Variants in SEC14L1 observed in about 807,000 individuals in gnomAD.
SEC14L1 encodes SEC14 like lipid binding 1.
Under a neutral mutation model 85.3 loss-of-function variants are expected in SEC14L1, and 48 were observed. The ratio of observed to expected loss-of-function variants is 0.56; its 90% CI spans 0.45 to 0.72. SEC14L1 has a LOEUF of 0.72. Ranked by LOEUF, SEC14L1 falls within the 30% of genes least tolerant of loss-of-function variation. SEC14L1 has a pLI of 0.00. For missense variants in SEC14L1, 682 were observed against 921.4 expected (o/e 0.74, Z 3.36); for synonymous variants, 391 against 355.5 (o/e 1.10, Z -1.12).
Position 77,143,456 on chromosome 17 carries a change from C to T in SEC14L1, c.-30-111C>T, listed in dbSNP as rs970662851. On this transcript the variant is annotated intron_variant, in intron 2 of 16. Coordinates refer to ENST00000436233, the MANE Select transcript of SEC14L1 (RefSeq NM_001143998.2). ...ATTTTTGTGTGCATAGAATTATGAC[C>T]TATTGTGGTCTCTTTCTGTCGTTAG... is the stretch of plus-strand genomic sequence containing the variant. The T allele has an allele frequency of 2.5e-4, 152 of 607,440 alleles. 1 individual carries two copies. Among genetic ancestry groups the T allele is most frequent in the Non-Finnish European group, 8.5e-5 (29 of 340,476 alleles). 37.6% of individuals were successfully genotyped at this position (607,440 alleles called of 1,614,324 possible).
At chr17:77,140,614 G>C (rs1310197559), upstream of SEC14L1, 1 of 152,536 alleles carries the variant, frequency 6.6e-6, no homozygotes, top group East Asian at 1.9e-4. Context: ...CCTGCACGCC[G>C]GCAGCCCCTT....
rs80148217 is a variant in SEC14L1 at position 77,127,717 on chromosome 17, T to C, written c.-135-14929T>C. Among the ~76,000 whole-genome samples the C allele has an allele frequency of 7.7e-3, 1,167 of 152,278 alleles. 21 individuals are homozygous for C. The highest frequency in any genetic ancestry group is 0.027 in the African/African-American group (1,124 of 41,566). ...GTCCCCAAAAGATGTGTCCAAGTCC[T>C]AACCCCTGGTACCTGTGAAGGCGAT... On this transcript the variant is annotated intron_variant, in intron 3 of 19. Coordinates refer to the SEC14L1 transcript ENST00000392476.
At chr17:77,092,008 C>T (rs573593563) in intron 2 of SEC14L1, among the ~76,000 whole-genome samples, 26 of 152,130 alleles carry the variant, frequency 1.7e-4, no homozygotes, top group African/African-American at 5.1e-4. Context: ...GACGGGGTTT[C>T]GCCATTTTGG....
chr17:77,209,020 C>T (rs984313686), intron 13 of SEC14L1, among the ~76,000 whole-genome samples: 1 of 152,180 alleles, frequency 6.6e-6, no homozygotes, highest in Non-Finnish European at 1.5e-5. Flanking sequence ...TTTTCCTTTA[C>T]AGGGCAATAT....
At chr17:77,211,825 C>T (rs1976765374) in intron 14 of SEC14L1, 125 bp from the exon 15 acceptor site, 1 of 1,196,744 alleles carries the variant, frequency 8.4e-7, no homozygotes, top group Admixed American at 1.9e-5. Context: ...CGTCCATACG[C>T]ATTCAGCGTT....
At chr17:77,113,685 G>T (rs1439377209) in intron 3 of SEC14L1, among the ~76,000 whole-genome samples, 1 of 152,182 alleles carries the variant, frequency 6.6e-6, no homozygotes, top group African/African-American at 2.4e-5. Flanking sequence ...AGCAGAGGTT[G>T]CTATGAGCCG....
chr17:77,171,415 T>C (rs1484689909), intron 3 of SEC14L1, among the ~76,000 whole-genome samples: 1 of 152,160 alleles, frequency 6.6e-6, no homozygotes, highest in African/African-American at 2.4e-5. Flanking sequence ...AAATGGAAAA[T>C]GGGTTCCCGT....
intron 3 of SEC14L1, among the ~76,000 whole-genome samples, chr17:77,154,480 A>G (rs1222935502): frequency 6.6e-6 from 1 of 152,164 alleles, no homozygotes; most frequent in East Asian, 1.9e-4. Flanking sequence ...TGTGTATATG[A>G]GAGGATGTGT....
At position 77,206,576 on chromosome 17, in the gene SEC14L1, T is replaced by C; in HGVS notation, c.1342-152T>C. ...AAAGGGGAAAAACAAAATGTGAGTGTCCTAATGCCATGCAAATAGACTTTA... is the reference window on the plus strand; with the variant it reads ...AAAGGGGAAAAACAAAATGTGAGTGCCCTAATGCCATGCAAATAGACTTTA... On this transcript the variant is annotated intron_variant, in intron 12 of 16. Transcript: ENST00000436233. The surrounding 1 kb of genome is among the most constrained non-coding windows in gnomAD (Gnocchi z 4.3). The C allele has an allele frequency of 8.4e-7, 1 of 1,185,204 alleles. No individual in the cohort carries two copies. The allele number at this position is 1,185,204 out of a possible 1,614,324, so 73.4% of individuals were successfully genotyped here.
At chr17:77,212,979 A>T (rs1976841733) in intron 15 of SEC14L1, among the ~76,000 whole-genome samples, 1 of 152,184 alleles carries the variant, frequency 6.6e-6, no homozygotes, top group African/African-American at 2.4e-5. Flanking sequence ...AGGTCCAGGG[A>T]AGCTGTGCTG....
intron 3 of SEC14L1, among the ~76,000 whole-genome samples, chr17:77,168,705 C>CT (rs1454377900): frequency 1.3e-5 from 2 of 152,082 alleles, no homozygotes; most frequent in Non-Finnish European, 2.9e-5. Context: ...CAGACTTTGC[C>CT]TTTTTTTGCT....
intron 3 of SEC14L1, among the ~76,000 whole-genome samples, chr17:77,148,157 A>G (rs1194207459): frequency 6.6e-6 from 1 of 152,174 alleles, no homozygotes; most frequent in African/African-American, 2.4e-5. Flanking sequence ...TGGTTCCTTA[A>G]TAAAGGCTTC....
At chr17:77,198,372 CT>C (rs139843564) in intron 8 of SEC14L1, among the ~76,000 whole-genome samples, 2,237 of 152,300 alleles carry the variant, frequency 0.015, 24 homozygotes, top group South Asian at 0.042. Flanking sequence ...CATTTACGAT[CT>C]TTGTGAAAGT....
intron 3 of SEC14L1, among the ~76,000 whole-genome samples, chr17:77,178,657 C>T (rs1190016882): frequency 6.6e-6 from 1 of 152,206 alleles, no homozygotes; most frequent in African/African-American, 2.4e-5. Flanking sequence ...ATTGGATTCT[C>T]TTACGGAGCA....
intron 3 of SEC14L1, among the ~76,000 whole-genome samples, chr17:77,184,678 C>T (rs916207568): frequency 2.0e-5 from 3 of 152,134 alleles, no homozygotes; most frequent in South Asian, 2.1e-4. Context: ...TGTAATCAAC[C>T]GCACGGATTC....
intron 9 of SEC14L1, 71 bp from the exon 10 acceptor site, chr17:77,203,498 AG>A: frequency 7.7e-7 from 1 of 1,291,028 alleles, no homozygotes; most frequent in Non-Finnish European, 1.1e-6. Context: ...ATTCCTGTTA[AG>A]GGTCTTAGAG....
At chr17:77,173,905 C>CTTT (rs531473521) in intron 3 of SEC14L1, among the ~76,000 whole-genome samples, 1 of 141,914 alleles carries the variant, frequency 7.0e-6, no homozygotes, top group African/African-American at 2.6e-5. Flanking sequence ...TTCTTTTTTT[C>CTTT]TTTTTTTTTT....
At position 77,193,545 on chromosome 17, in the gene SEC14L1, A is replaced by AT. The variant is rs1304829401; in HGVS notation, c.470_471insT (p.Lys157AsnfsTer64). The AT allele has an allele frequency of 1.2e-6, 2 of 1,608,570 alleles. No homozygotes were observed. Among genetic ancestry groups the AT allele is most frequent in the Non-Finnish European group, 1.7e-6 (2 of 1,176,204 alleles). On this transcript the variant is annotated frameshift_variant, in exon 6 of 17. Transcript: ENST00000436233. LOFTEE classifies it high-confidence loss of function. ...ATGAAACAATATACCAGCAACATTA[A>AT]AAAAGTGAGTGTATCTTGGGATTTT...
intron 3 of SEC14L1, among the ~76,000 whole-genome samples, chr17:77,181,331 G>A (rs1292241091): frequency 2.0e-5 from 3 of 152,310 alleles, no homozygotes; most frequent in Non-Finnish European, 2.9e-5. Flanking sequence ...AGCTTAAGCA[G>A]ATTTCTTTTT....
Sources: allele counts gnomAD v4.1 joint callset (sites outside exome capture counted in the v4.1 genomes callset), GRCh38; gene constraint gnomAD v4.1.1; non-coding constraint Gnocchi (gnomAD v3.1); transcripts MANE v1.5; gene names NCBI Gene and HGNC (gene_info 2026-07-23, HGNC 2026-07-21).